Variants in PTGER3 observed in about 807,000 individuals in gnomAD.
PTGER3 encodes prostaglandin E receptor 3, also known as prostaglandin E2 receptor EP3 subtype.
PTGER3 carries 22 observed loss-of-function variants against 34.7 expected under a neutral mutation model. The observed-to-expected ratio is 0.63, with a 90% confidence interval of 0.45 to 0.91. The LOEUF is 0.91. PTGER3 is among the 40% of genes least tolerant of loss of function. The pLI, the probability that PTGER3 is intolerant of heterozygous loss-of-function variation, is 0.00. For missense variants in PTGER3, 468 were observed against 519.4 expected, an observed-to-expected ratio of 0.90 and a Z score of 0.96; for synonymous variants, 241 against 230.1, an observed-to-expected ratio of 1.05 and a Z score of -0.43.
At chr1:71,022,406 T>C (rs1359572198) in intron 1 of PTGER3, among the ~76,000 whole-genome samples, 1 of 151,924 alleles carries the variant, frequency 6.6e-6, no homozygotes, top group Non-Finnish European at 1.5e-5. Flanking sequence ...AGTGATGGAC[T>C]TGATGGACAA....
intron 4 of PTGER3, among the ~76,000 whole-genome samples, chr1:70,883,219 T>C (rs1646429616): frequency 6.6e-6 from 1 of 152,166 alleles, no homozygotes; most frequent in Non-Finnish European, 1.5e-5. Flanking sequence ...TTTTTATGCC[T>C]AGAAAAAAAC....
intron 2 of PTGER3, among the ~76,000 whole-genome samples, chr1:70,988,080 A>G (rs1461640332): frequency 1.3e-5 from 2 of 152,188 alleles, no homozygotes; most frequent in South Asian, 2.1e-4. Context: ...ATTAGTCACA[A>G]TATGACCATT....
chr1:70,984,781 C>T (rs1208741785), intron 2 of PTGER3, among the ~76,000 whole-genome samples: 1 of 151,972 alleles, frequency 6.6e-6, no homozygotes, highest in Non-Finnish European at 1.5e-5. Context: ...CAAGAACTCA[C>T]ATCTTAGTTG....
chr1:70,911,126 C>A (rs1372578540), intron 4 of PTGER3, among the ~76,000 whole-genome samples: 1 of 150,864 alleles, frequency 6.6e-6, no homozygotes, highest in Non-Finnish European at 1.5e-5. Flanking sequence ...ACCACACATA[C>A]ACATGAATGA....
At chr1:70,901,854 C>T (rs1646846242) in intron 4 of PTGER3, among the ~76,000 whole-genome samples, 1 of 152,038 alleles carries the variant, frequency 6.6e-6, no homozygotes, top group South Asian at 2.1e-4. Context: ...GATTTCACTA[C>T]AAAAAGGATA....
At chr1:70,908,795 A>G (rs1396201318) in intron 4 of PTGER3, among the ~76,000 whole-genome samples, 1 of 152,228 alleles carries the variant, frequency 6.6e-6, no homozygotes, top group East Asian at 1.9e-4. Flanking sequence ...CAATAGTAGT[A>G]AAACATCATT....
chr1:70,870,584 G>C (rs550844041), intron 4 of PTGER3, among the ~76,000 whole-genome samples: 1 of 152,252 alleles, frequency 6.6e-6, no homozygotes, highest in South Asian at 2.1e-4. Context: ...TCAATTTTAA[G>C]TCATTTCTTT....
At chr1:71,040,996 G>C (rs1163537291) in intron 1 of PTGER3, among the ~76,000 whole-genome samples, 6 of 152,162 alleles carry the variant, frequency 3.9e-5, no homozygotes, top group African/African-American at 1.2e-4. Flanking sequence ...AGAGAGCAGG[G>C]TGCAGGAATT....
intron 1 of PTGER3, among the ~76,000 whole-genome samples, chr1:71,018,138 G>C (rs1236440555): frequency 6.6e-6 from 1 of 152,098 alleles, no homozygotes; most frequent in African/African-American, 2.4e-5. Context: ...TGCTACAGCA[G>C]CAGTAGAAAA....
At position 70,932,771 on chromosome 1, in the gene PTGER3, A is replaced by G. The variant is rs562036284; in HGVS notation, c.*23+20992T>C. 9.9e-5 allele frequency among the ~76,000 whole-genome samples: 15 copies of G among 152,204 alleles called. No individual in the cohort carries two copies. In the East Asian group the frequency reaches 1.4e-3, roughly 14 times the overall value. ...TTGGGTGGGGACACAGAGCCAAACT[A>G]TATCACCTCCCTCTTTCAACTATGC... On this transcript the variant is annotated intron_variant, in intron 4 of 4. Transcript: ENST00000370931.
At chr1:70,969,197 A>C (rs968420790), downstream of PTGER3, among the ~76,000 whole-genome samples, 5 of 152,118 alleles carry the variant, frequency 3.3e-5, no homozygotes, top group African/African-American at 1.2e-4. Flanking sequence ...ACAGAGTGAG[A>C]CTCTGTCTTA....
At chr1:70,985,996 G>A (rs995041983) in intron 2 of PTGER3, among the ~76,000 whole-genome samples, 2 of 152,138 alleles carry the variant, frequency 1.3e-5, no homozygotes, top group African/African-American at 4.8e-5. Context: ...GCAGGACACA[G>A]GTCATAAAGA....
intron 4 of PTGER3, among the ~76,000 whole-genome samples, chr1:70,934,205 C>A (rs1319490930): frequency 6.6e-6 from 1 of 152,122 alleles, no homozygotes; most frequent in Non-Finnish European, 1.5e-5. Context: ...AATTAGAGCA[C>A]ACACTAAACT....
chr1:70,964,168 A>T (rs912234386), intron 2 of PTGER3, among the ~76,000 whole-genome samples: 1 of 152,090 alleles, frequency 6.6e-6, no homozygotes, highest in African/African-American at 2.4e-5. Flanking sequence ...GAAGTTCCAT[A>T]CTTTCCCGCA....
chr1:70,919,761 TA>T (rs1017862276), intron 4 of PTGER3, among the ~76,000 whole-genome samples: 2 of 152,154 alleles, frequency 1.3e-5, no homozygotes, highest in Non-Finnish European at 2.9e-5. Context: ...TTAATGGAAT[TA>T]CTATTCTATA....
chr1:70,965,160 TA>T (rs1009287848), intron 2 of PTGER3, among the ~76,000 whole-genome samples: 2 of 151,932 alleles, frequency 1.3e-5, no homozygotes, highest in African/African-American at 4.8e-5. Context: ...CAGGTGGATG[TA>T]AAAAAAATCA....
At chr1:71,044,840 T>G (rs1660620415) in intron 1 of PTGER3, among the ~76,000 whole-genome samples, 1 of 152,174 alleles carries the variant, frequency 6.6e-6, no homozygotes. Context: ...CCCTAGGATA[T>G]AAATCATGTG....
chr1:70,919,271 C>A (rs1647308061), intron 4 of PTGER3, among the ~76,000 whole-genome samples: 2 of 152,192 alleles, frequency 1.3e-5, no homozygotes, highest in Admixed American at 6.5e-5. Flanking sequence ...ATAATTTTGC[C>A]AGTTCTTTCC....
chr1:70,971,780 A>AT (rs752755826), intron 3 of PTGER3, 47 bp from the exon 4 acceptor site: 95 of 1,366,598 alleles, frequency 7.0e-5, no homozygotes, highest in East Asian at 4.9e-4. Flanking sequence ...GATGGGGATT[A>AT]TTTTTTTTAA....
Sources: allele counts gnomAD v4.1 joint callset (sites outside exome capture counted in the v4.1 genomes callset), GRCh38; gene constraint gnomAD v4.1.1; transcripts MANE v1.5; gene names NCBI Gene and HGNC (gene_info 2026-07-23, HGNC 2026-07-21).